PIEZO2: variants seen among roughly 807,000 people sequenced by gnomAD.
PIEZO2 encodes piezo-type mechanosensitive ion channel component 2.
A neutral mutation model predicts 337.3 loss-of-function variants in PIEZO2; 172 were observed. That is an observed-to-expected ratio of 0.51 (90% confidence interval 0.45 to 0.58). The LOEUF (loss-of-function observed/expected upper bound fraction) is 0.58, where lower values mean the gene tolerates loss of function less well. Ranked by LOEUF, PIEZO2 falls within the 20% of genes least tolerant of loss-of-function variation. PIEZO2 has a pLI of 0.00. For missense variants in PIEZO2, 3,028 were observed against 3,391.3 expected (o/e 0.89, Z 2.66); for synonymous variants, 1,251 against 1,228.5 (o/e 1.02, Z -0.38).
At chr18:11,053,985 C>T (rs1452790454) in intron 2 of PIEZO2, among the ~76,000 whole-genome samples, 1 of 152,212 alleles carries the variant, frequency 6.6e-6, no homozygotes, top group Non-Finnish European at 1.5e-5. Context: ...GATCACATCA[C>T]TGCACTCCAG....
chr18:10,798,037 C>G (rs923384381), intron 11 of PIEZO2, among the ~76,000 whole-genome samples: 2 of 152,248 alleles, frequency 1.3e-5, no homozygotes, highest in African/African-American at 2.4e-5. Context: ...GGTGTGAGAA[C>G]TGATGGCTCT....
At chr18:11,056,233 A>G (rs1439439853) in intron 2 of PIEZO2, among the ~76,000 whole-genome samples, 1 of 152,134 alleles carries the variant, frequency 6.6e-6, no homozygotes, top group Non-Finnish European at 1.5e-5. Context: ...GCCGGGGAAG[A>G]GAAGTTTGTG....
intron 7 of PIEZO2, among the ~76,000 whole-genome samples, chr18:10,811,319 G>T (rs2865134): frequency 0.24 from 36,895 of 152,064 alleles, 4,710 homozygotes; most frequent in East Asian, 0.35. Context: ...TTTAGTTTAC[G>T]TGCTTGTTTT....
chr18:10,696,606 A>G, intron 45 of PIEZO2, 67 bp from the exon 46 acceptor site: 1 of 1,553,280 alleles, frequency 6.4e-7, no homozygotes, highest in African/African-American at 1.4e-5. Flanking sequence ...AGAAATGACC[A>G]GACACTGCCA....
chr18:10,671,524 G>C lies in PIEZO2; in HGVS notation c.*3C>G. 1.2e-6 allele frequency: 2 copies of C among 1,606,508 alleles called. No individual in the cohort carries two copies. Among genetic ancestry groups the C allele is most frequent in the Non-Finnish European group, 1.7e-6 (2 of 1,176,372 alleles). On this transcript the variant is annotated 3_prime_UTR_variant, in exon 56 of 56. Coordinates refer to ENST00000674853, the MANE Select transcript of PIEZO2 (RefSeq NM_001378183.1). ...CATTATTTGCAGTCTGTGTTCTAAG[G>C]TTTCAATTTGTTTTTTCTCTAGTCC... is the stretch of plus-strand genomic sequence containing the variant.
chr18:10,961,046 T>C (rs1458604252), intron 3 of PIEZO2, among the ~76,000 whole-genome samples: 4 of 151,984 alleles, frequency 2.6e-5, no homozygotes, highest in Non-Finnish European at 5.9e-5. Flanking sequence ...CTGGGTGTGG[T>C]GGCGGGCACC....
At chr18:10,722,106 G>A (rs934256853) in intron 36 of PIEZO2, among the ~76,000 whole-genome samples, 1 of 146,316 alleles carries the variant, frequency 6.8e-6, no homozygotes, top group African/African-American at 2.5e-5. Context: ...AGCTGATTTT[G>A]TGCAACTTCA....
At chr18:10,771,814 G>A (rs1168191051) in intron 20 of PIEZO2, among the ~76,000 whole-genome samples, 1 of 152,202 alleles carries the variant, frequency 6.6e-6, no homozygotes, top group Non-Finnish European at 1.5e-5. Flanking sequence ...CCCTTGGAAT[G>A]TGAATCCCTT....
At chr18:11,049,665 G>A (rs1017395891) in intron 2 of PIEZO2, among the ~76,000 whole-genome samples, 3 of 152,164 alleles carry the variant, frequency 2.0e-5, no homozygotes, top group African/African-American at 7.2e-5. Context: ...CCCCCATACT[G>A]TTCTCACGGT....
chr18:11,051,496 T>C (rs1163066504), intron 2 of PIEZO2, among the ~76,000 whole-genome samples: 2 of 152,000 alleles, frequency 1.3e-5, no homozygotes, highest in Non-Finnish European at 2.9e-5. Flanking sequence ...GTCTTGTGAT[T>C]TGGAGCACAT....
chr18:10,717,677 A>G (rs2036070656), intron 37 of PIEZO2, among the ~76,000 whole-genome samples: 1 of 152,234 alleles, frequency 6.6e-6, no homozygotes, highest in Admixed American at 6.5e-5. Flanking sequence ...GGCAGTTAGA[A>G]GACAAGGGTT....
rs2032818823 is a variant in PIEZO2, at chr18:10,943,204, G to A, written c.287-31976C>T. The stretch of plus-strand genomic sequence containing the variant: ...GTCCCTACTGGGGCACCACCTAGTG[G>A]AGCTGTGAGAAGAGGGCCACTGCCA... On this transcript the variant is annotated intron_variant, in intron 3 of 55. Coordinates refer to ENST00000674853, the MANE Select transcript of PIEZO2 (RefSeq NM_001378183.1). The surrounding 1 kb of genome is among the most constrained non-coding windows in gnomAD (Gnocchi z 4.5). Among the ~76,000 whole-genome samples the A allele has an allele frequency of 6.6e-6, 1 of 152,198 alleles. No individual in the cohort carries two copies. The highest frequency in any genetic ancestry group is 1.9e-4 in the East Asian group (1 of 5,190).
At chr18:11,090,497 GA>G (rs2039042977) in intron 1 of PIEZO2, among the ~76,000 whole-genome samples, 1 of 152,208 alleles carries the variant, frequency 6.6e-6, no homozygotes, top group African/African-American at 2.4e-5. Context: ...AAATGCTATG[GA>G]AACCTATTTC....
At chr18:11,050,417 G>A (rs917897018) in intron 2 of PIEZO2, among the ~76,000 whole-genome samples, 6 of 151,940 alleles carry the variant, frequency 3.9e-5, no homozygotes, top group Admixed American at 2.6e-4. Flanking sequence ...AGATCGCACT[G>A]CCTCTTCAAA....
chr18:10,890,545 C>T (rs2042725641), intron 4 of PIEZO2: 1 of 152,198 alleles, frequency 6.6e-6, no homozygotes, highest in South Asian at 2.1e-4. Flanking sequence ...GCAAACACAT[C>T]CTTCTTCACA....
At chr18:10,754,210 C>T (rs1444686689) in intron 27 of PIEZO2, among the ~76,000 whole-genome samples, 1 of 152,236 alleles carries the variant, frequency 6.6e-6, no homozygotes, top group South Asian at 2.1e-4. Flanking sequence ...TTGATAAATA[C>T]GCTTCAAAGC....
chr18:10,787,691 A>T (rs2039272339), intron 15 of PIEZO2, among the ~76,000 whole-genome samples: 1 of 152,240 alleles, frequency 6.6e-6, no homozygotes. Context: ...TGAATTTTTA[A>T]GAGTATTCAA....
At chr18:10,804,372 T>C (rs565406461) in intron 8 of PIEZO2, among the ~76,000 whole-genome samples, 1 of 152,292 alleles carries the variant, frequency 6.6e-6, no homozygotes, top group South Asian at 2.1e-4. Flanking sequence ...CAATCTTCAA[T>C]TAAGACTGGA....
rs912595892 is a variant in PIEZO2, at chr18:10,795,113, G to C, written c.1528-111C>G. The C allele has an allele frequency of 3.2e-6, 3 of 939,670 alleles. No individual in the cohort carries two copies. Among genetic ancestry groups the C allele is most frequent in the African/African-American group, 3.3e-5 (2 of 60,568 alleles). The allele number at this position is 939,670 out of a possible 1,614,324, so 58.2% of individuals were successfully genotyped here. ...AGAAAAGGTCATAATATTCAAACCA[G>C]GGAGAGTAGAGAGTTGTGGTGGAGT... On this transcript the variant is annotated intron_variant, in intron 12 of 55. Coordinates refer to ENST00000674853, the MANE Select transcript of PIEZO2 (RefSeq NM_001378183.1). This position sits in a 1 kb window ranked among gnomAD's most constrained non-coding sequence, Gnocchi z 4.4.
Sources: gnomAD v4.1 joint callset for allele counts (sites outside exome capture counted in the v4.1 genomes callset) on GRCh38, gnomAD v4.1.1 for gene constraint, Gnocchi (gnomAD v3.1) non-coding constraint, MANE v1.5 for transcripts, NCBI Gene and HGNC (gene_info 2026-07-23, HGNC 2026-07-21) for gene names.